CDK14: variants seen among roughly 807,000 people sequenced by gnomAD.
CDK14 encodes the protein cyclin dependent kinase 14.
In CDK14, 34 loss-of-function variants were observed where a neutral mutation model predicts 60.7. That is an observed-to-expected ratio of 0.56 (90% CI 0.43 to 0.75). The LOEUF (loss-of-function observed/expected upper bound fraction) is 0.75. Ranked by LOEUF, CDK14 falls within the 30% of genes least tolerant of loss-of-function variation. The pLI is 0.00. For synonymous variants in CDK14, 197 were observed against 203.7 expected (o/e 0.97, Z 0.28); for missense variants, 482 against 564.1 (o/e 0.85, Z 1.47).
intron 6 of CDK14, among the ~76,000 whole-genome samples, chr7:90,864,292 A>G (rs984146473): frequency 6.6e-6 from 1 of 152,178 alleles, no homozygotes; most frequent in African/African-American, 2.4e-5. Flanking sequence ...AAGGACAGCT[A>G]GAGCTGAGCA....
At chr7:91,025,410 G>A (rs1483250300) in intron 10 of CDK14, among the ~76,000 whole-genome samples, 1 of 152,088 alleles carries the variant, frequency 6.6e-6, no homozygotes, top group Admixed American at 6.6e-5. Context: ...ATTCAAGCAG[G>A]AGGTAGTTTA....
chr7:90,962,692 A>G (rs1794636346), intron 9 of CDK14, among the ~76,000 whole-genome samples: 1 of 152,172 alleles, frequency 6.6e-6, no homozygotes, highest in Non-Finnish European at 1.5e-5. Context: ...AAATTTCCCC[A>G]TTTTAAATCA....
chr7:90,909,747 C>T (rs1238174954), intron 7 of CDK14, among the ~76,000 whole-genome samples: 1 of 152,098 alleles, frequency 6.6e-6, no homozygotes, highest in African/African-American at 2.4e-5. Flanking sequence ...TGCCCATGAA[C>T]CTGAAATTCT....
chr7:91,200,116 T>C (rs1179190451), intron 14 of CDK14, among the ~76,000 whole-genome samples: 1 of 152,240 alleles, frequency 6.6e-6, no homozygotes, highest in Non-Finnish European at 1.5e-5. Context: ...CCTGTATTTC[T>C]AGCCAAATTA....
At chr7:91,058,507 A>C (rs1291657315) in intron 11 of CDK14, among the ~76,000 whole-genome samples, 1 of 152,172 alleles carries the variant, frequency 6.6e-6, no homozygotes, top group Non-Finnish European at 1.5e-5. Context: ...GAATGCTTCC[A>C]GTTTTTGCCC....
intron 5 of CDK14, among the ~76,000 whole-genome samples, chr7:90,796,215 T>TA (rs1788421976): frequency 6.6e-6 from 1 of 152,112 alleles, no homozygotes; most frequent in African/African-American, 2.4e-5. Flanking sequence ...CTGAAGACTT[T>TA]AGAGTTGGGC....
chr7:91,176,635 C>T (rs202049466), intron 14 of CDK14, among the ~76,000 whole-genome samples: 2,659 of 152,014 alleles, frequency 0.017, 58 homozygotes, highest in East Asian at 0.076. Flanking sequence ...ATATCACCAC[C>T]GATCCCACAG....
intron 14 of CDK14, among the ~76,000 whole-genome samples, chr7:91,119,048 C>T (rs546127129): frequency 6.6e-6 from 1 of 150,468 alleles, no homozygotes; most frequent in African/African-American, 2.4e-5. Flanking sequence ...TATATATATA[C>T]ATACATACAT....
At position 90,955,807 on chromosome 7, in the gene CDK14, C is replaced by G. The variant is rs537592613; in HGVS notation, c.937C>G (p.Leu313Val). The G allele has an allele frequency of 1.8e-5, 29 of 1,613,108 alleles. 1 individual carries two copies. The South Asian group carries it at 3.2e-4, about 18-fold the overall frequency. ...LLGSTEYSTC[L>V]DMWGVGCIFV... The stretch of plus-strand genomic sequence containing the variant: ...AGGCTCAACAGAATATTCCACCTGC[C>G]TTGACATGTGGTGAGAAATGGAAGC... The change falls in exon 9 of 15, where the codon CTT becomes GTT. Residue 313 changes from leucine (L) to valine (V), a missense_variant. Coordinates refer to ENST00000380050, the MANE Select transcript of CDK14 (RefSeq NM_001287135.2).
rs561183548 is a variant in CDK14 at position 90,749,036 on chromosome 7, CTGTT to C, written c.464+1266_464+1269del. Among the ~76,000 whole-genome samples, 13 of 152,258 alleles carry C rather than the reference CTGTT, an allele frequency of 8.5e-5. No individual in the cohort carries two copies. The East Asian group carries it at 1.7e-3, about 20-fold the overall frequency. ...GATTTTCAGGAGTGTGGTCTTATAT[CTGTT>C]TGTTCATGTTTCTTAAGTTTAGAAG... is the stretch of plus-strand genomic sequence containing the variant. On this transcript the variant is annotated intron_variant, in intron 4 of 14. Coordinates refer to ENST00000380050, the MANE Select transcript of CDK14 (RefSeq NM_001287135.2).
intron 2 of CDK14, among the ~76,000 whole-genome samples, chr7:90,636,595 C>G (rs1441132884): frequency 6.6e-6 from 1 of 151,584 alleles, no homozygotes; most frequent in Non-Finnish European, 1.5e-5. Flanking sequence ...CTAAAATTCT[C>G]TTTTTTGGTT....
intron 10 of CDK14, among the ~76,000 whole-genome samples, chr7:91,000,447 C>T (rs906195463): frequency 8.5e-5 from 13 of 152,126 alleles, no homozygotes; most frequent in African/African-American, 3.1e-4. Context: ...TTGTTTCCAC[C>T]AATAGCCAGG....
chr7:90,712,949 A>G (rs2116653557), intron 2 of CDK14, among the ~76,000 whole-genome samples: 1 of 152,212 alleles, frequency 6.6e-6, no homozygotes, highest in Non-Finnish European at 1.5e-5. Context: ...ATTATCATTC[A>G]TTAGCCAACG....
chr7:91,139,804 TTCTTTCTTTCTTTTC>T (rs1800395949), intron 14 of CDK14, among the ~76,000 whole-genome samples: 1 of 151,440 alleles, frequency 6.6e-6, no homozygotes, highest in African/African-American at 2.4e-5. Flanking sequence ...CTTTCTTTCT[TTCTTTCTTTCTTTTC>T]TTTTCTTTCT....
intron 5 of CDK14, among the ~76,000 whole-genome samples, chr7:90,807,128 C>T (rs1049121951): frequency 6.6e-6 from 1 of 152,122 alleles, no homozygotes; most frequent in Non-Finnish European, 1.5e-5. Context: ...AGTGGTTCTC[C>T]CAGCACGCAG....
chr7:90,908,537 C>T (rs1202643798), intron 7 of CDK14, among the ~76,000 whole-genome samples: 1 of 152,034 alleles, frequency 6.6e-6, no homozygotes, highest in African/African-American at 2.4e-5. Flanking sequence ...GGGGAAACAC[C>T]CTCCTGGGCT....
chr7:90,794,809 A>G (rs1360097336), intron 5 of CDK14, among the ~76,000 whole-genome samples: 1 of 152,248 alleles, frequency 6.6e-6, no homozygotes, highest in African/African-American at 2.4e-5. Flanking sequence ...GGAAATCACA[A>G]GAGTATTGAT....
chr7:90,666,617 T>C (rs80353750), intron 2 of CDK14, among the ~76,000 whole-genome samples: 2,368 of 152,304 alleles, frequency 0.016, 90 homozygotes, highest in African/African-American at 0.052. Context: ...TCTTGAGAAA[T>C]GTCTGTTATT....
intron 2 of CDK14, among the ~76,000 whole-genome samples, chr7:90,628,263 G>C (rs894629242): frequency 6.6e-6 from 1 of 152,122 alleles, no homozygotes; most frequent in East Asian, 1.9e-4. Flanking sequence ...GGCCAGAAAG[G>C]TGATTTTTTA....
Sources: gnomAD v4.1 joint callset for allele counts (sites outside exome capture counted in the v4.1 genomes callset) on GRCh38, gnomAD v4.1.1 for gene constraint, MANE v1.5 for transcripts, NCBI Gene and HGNC (gene_info 2026-07-23, HGNC 2026-07-21) for gene names.